GRK4: variants seen among roughly 807,000 people sequenced by gnomAD.
GRK4 encodes the protein G protein-coupled receptor kinase 4.
Under a neutral mutation model 77.9 loss-of-function variants are expected in GRK4, and 73 were observed. The observed-to-expected ratio is 0.94, with a 90% CI of 0.78 to 1.14. GRK4 has a LOEUF of 1.14. Ranked by LOEUF, GRK4 falls within the 50% of genes most tolerant of loss-of-function variation. The pLI, the probability that GRK4 is intolerant of heterozygous loss-of-function variation, is 0.00. For missense variants in GRK4, 729 were observed against 700.2 expected (o/e 1.04, Z -0.46); for synonymous variants, 257 against 254.4 (o/e 1.01, Z -0.10).
chr4:2,987,506 A>C (rs1317015560), intron 2 of GRK4, among the ~76,000 whole-genome samples: 1 of 152,208 alleles, frequency 6.6e-6, no homozygotes, highest in Non-Finnish European at 1.5e-5. Flanking sequence ...TGGACATACC[A>C]CATTTTGCTT....
chr4:3,022,565 C>G (rs1278330150), intron 10 of GRK4, 114 bp downstream of exon 10: 37 of 921,318 alleles, frequency 4.0e-5, no homozygotes, highest in Non-Finnish European at 5.5e-5. Flanking sequence ...GAAACAATAA[C>G]AAAAAGAAAA....
At chr4:2,998,224 G>T (rs1303076405) in intron 4 of GRK4, among the ~76,000 whole-genome samples, 2 of 152,098 alleles carry the variant, frequency 1.3e-5, no homozygotes, top group African/African-American at 4.8e-5. Context: ...TGGGCATGGT[G>T]GTAGGCACCT....
chr4:3,028,379 C>G (rs567693750), intron 11 of GRK4, among the ~76,000 whole-genome samples: 6 of 152,222 alleles, frequency 3.9e-5, no homozygotes, highest in Non-Finnish European at 7.3e-5. Flanking sequence ...GGGGCAGTGC[C>G]AGCCAACCCC....
At chr4:3,012,505 A>T (rs903185540) in intron 7 of GRK4, among the ~76,000 whole-genome samples, 2 of 152,220 alleles carry the variant, frequency 1.3e-5, no homozygotes, top group African/African-American at 4.8e-5. Flanking sequence ...AATATTTTCC[A>T]CAATTAACTT....
chr4:2,964,971 G>C (rs1717071394), intron 1 of GRK4, among the ~76,000 whole-genome samples: 1 of 151,976 alleles, frequency 6.6e-6, no homozygotes, highest in Non-Finnish European at 1.5e-5. Flanking sequence ...ACAAATATCT[G>C]TGTTTAGCCA....
chr4:2,972,186 A>G (rs1422142941), intron 1 of GRK4, among the ~76,000 whole-genome samples: 1 of 152,124 alleles, frequency 6.6e-6, no homozygotes, highest in Non-Finnish European at 1.5e-5. Flanking sequence ...ACTTAAGAGG[A>G]ATCCTCTGAC....
intron 1 of GRK4, among the ~76,000 whole-genome samples, chr4:2,968,861 T>G (rs1037180104): frequency 2.0e-5 from 3 of 152,206 alleles, no homozygotes; most frequent in African/African-American, 7.2e-5. Flanking sequence ...TTTATTTATC[T>G]GATTTTGCCT....
rs546530585 is a variant in GRK4 at position 2,963,943 on chromosome 4, C to T, written c.-128C>T. 28 of 859,066 alleles carry T rather than the reference C, an allele frequency of 3.3e-5. No homozygotes were observed. The highest frequency in any genetic ancestry group is 1.1e-4 in the South Asian group (8 of 69,916). 53.2% of individuals were successfully genotyped at this position (859,066 alleles called of 1,614,324 possible). A position where few individuals can be genotyped will look rare whatever the true frequency, so the allele number is the denominator to read the frequency against. On this transcript the variant is annotated 5_prime_UTR_variant, in exon 1 of 16. Transcript: ENST00000398052. ...TGGCGGCGGAGCAGCCTCCCGGGAT[C>T]GTGTCCGGAGCTCGAGGAGAGGGTG... is the stretch of plus-strand genomic sequence containing the variant.
intron 14 of GRK4, 54 bp from the exon 15 acceptor site, chr4:3,038,322 A>T: frequency 6.2e-7 from 1 of 1,608,028 alleles, no homozygotes; most frequent in Non-Finnish European, 8.5e-7. Context: ...GGAGACACCC[A>T]CTGACCTGGC....
At chr4:3,030,070 T>C (rs974020224) in intron 12 of GRK4, among the ~76,000 whole-genome samples, 1 of 152,174 alleles carries the variant, frequency 6.6e-6, no homozygotes, top group African/African-American at 2.4e-5. Context: ...AACCAATCTT[T>C]CATGTATTTT....
intron 12 of GRK4, among the ~76,000 whole-genome samples, chr4:3,032,143 T>G (rs1396152212): frequency 6.6e-6 from 1 of 151,980 alleles, no homozygotes; most frequent in African/African-American, 2.4e-5. Flanking sequence ...CCCTAAGAGC[T>G]CACAGTTTAA....
intron 4 of GRK4, among the ~76,000 whole-genome samples, chr4:3,001,732 T>G (rs986833226): frequency 6.6e-6 from 1 of 152,210 alleles, no homozygotes; most frequent in African/African-American, 2.4e-5. Flanking sequence ...CTAATCATGA[T>G]TAATTGTGAT....
Position 2,985,740 on chromosome 4 carries a change from C to T in GRK4, c.148+1132C>T, listed in dbSNP as rs373143107. The T allele has an allele frequency of 5.6e-5, 18 of 324,008 alleles. No homozygotes were observed. In the East Asian group the frequency reaches 1.2e-3, roughly 22 times the overall value. 20.1% of individuals were successfully genotyped at this position (324,008 alleles called of 1,614,324 possible). A position where few individuals can be genotyped will look rare whatever the true frequency, so the allele number is the denominator to read the frequency against. ...AAGGCCGGGTGTGGTGGCTCACGCC[C>T]GTAATCCCAGCACTTTGGGAGACTG... On this transcript the variant is annotated intron_variant, in intron 2 of 15. Transcript: ENST00000398052.
intron 2 of GRK4, among the ~76,000 whole-genome samples, chr4:2,984,991 C>T (rs1213171182): frequency 1.3e-5 from 2 of 151,998 alleles, no homozygotes; most frequent in African/African-American, 4.8e-5. Flanking sequence ...ACTCATTGTT[C>T]TATACATTAC....
In GRK4 at chr4:2,965,349, T is replaced by C. The variant is rs1017245954; in HGVS notation, c.52+1227T>C. On this transcript the variant is annotated intron_variant, in intron 1 of 15. Coordinates refer to ENST00000398052, the MANE Select transcript of GRK4 (RefSeq NM_182982.3). ...TCTCGGACCTCATGTCTCCCTTGCC[T>C]GCGTCTCAAGAGAGCTGGCGACAGA... The C allele has an allele frequency of 1.8e-5, 13 of 702,822 alleles. No homozygotes were observed. The East Asian group carries it at 3.5e-4, about 19-fold the overall frequency. 43.5% of individuals were successfully genotyped at this position (702,822 alleles called of 1,614,324 possible). A position where few individuals can be genotyped will look rare whatever the true frequency, so the allele number is the denominator to read the frequency against.
chr4:2,992,043 CTTT>C (rs34577267), intron 3 of GRK4, among the ~76,000 whole-genome samples, 169 bp from the exon 4 acceptor site: 16 of 143,434 alleles, frequency 1.1e-4, no homozygotes, highest in African/African-American at 3.3e-4. Context: ...AGAAGCTTAA[CTTT>C]TTTTTTTTTT....
chr4:3,026,002 C>T (rs191779282), intron 10 of GRK4, among the ~76,000 whole-genome samples: 399 of 152,368 alleles, frequency 2.6e-3, no homozygotes, highest in African/African-American at 9.1e-3. Context: ...GTGCCTCCTG[C>T]AGGCGAACCT....
chr4:3,030,644 G>T (rs1034574419), intron 12 of GRK4, among the ~76,000 whole-genome samples: 1 of 152,020 alleles, frequency 6.6e-6, no homozygotes, highest in Non-Finnish European at 1.5e-5. Flanking sequence ...CAGGCTCTAG[G>T]GGGTGAGAGG....
intron 3 of GRK4, among the ~76,000 whole-genome samples, chr4:2,989,412 T>A (rs1316167070): frequency 6.6e-6 from 1 of 152,132 alleles, no homozygotes; most frequent in Non-Finnish European, 1.5e-5. Context: ...GATAATGCTT[T>A]TTTTATTTTT....
Sources: allele counts gnomAD v4.1 joint callset (sites outside exome capture counted in the v4.1 genomes callset), GRCh38; gene constraint gnomAD v4.1.1; transcripts MANE v1.5; gene names NCBI Gene and HGNC (gene_info 2026-07-23, HGNC 2026-07-21).